Variants in NKAIN3 observed in about 807,000 individuals in gnomAD.
The protein encoded by NKAIN3 is sodium/potassium transporting ATPase interacting 3, also known as sodium/potassium-transporting ATPase subunit beta-1-interacting protein 3.
NKAIN3 carries 25 observed loss-of-function variants against 30.2 expected under a neutral mutation model. The ratio of observed to expected loss-of-function variants is 0.83; its 90% CI spans 0.60 to 1.16. The LOEUF (loss-of-function observed/expected upper bound fraction) is 1.16. Ranked by LOEUF, NKAIN3 falls within the 50% of genes most tolerant of loss-of-function variation. The pLI, the probability that NKAIN3 is intolerant of heterozygous loss-of-function variation, is 0.00. For synonymous variants in NKAIN3, 91 were observed against 89.6 expected, an observed-to-expected ratio of 1.02 and a Z score of -0.09; for missense variants, 225 against 254.1, an observed-to-expected ratio of 0.89 and a Z score of 0.78.
chr8:62,916,223 T>A (rs1184232748), intron 4 of NKAIN3, among the ~76,000 whole-genome samples: 5 of 152,190 alleles, frequency 3.3e-5, no homozygotes, highest in Non-Finnish European at 7.3e-5. Context: ...ATTAATATTT[T>A]TCACAATATT....
intron 1 of NKAIN3, among the ~76,000 whole-genome samples, chr8:62,352,269 C>T (rs756976825): frequency 6.6e-6 from 1 of 152,118 alleles, no homozygotes; most frequent in Non-Finnish European, 1.5e-5. Context: ...TAGCCCTCCT[C>T]GCCTGTGACC....
At chr8:62,566,515 T>C (rs1809754760) in intron 1 of NKAIN3, among the ~76,000 whole-genome samples, 1 of 152,108 alleles carries the variant, frequency 6.6e-6, no homozygotes, top group Non-Finnish European at 1.5e-5. Context: ...TAAAAGGAAA[T>C]AGTGAATTAT....
chr8:62,289,373 TA>T (rs1813501082), intron 1 of NKAIN3, among the ~76,000 whole-genome samples: 1 of 152,228 alleles, frequency 6.6e-6, no homozygotes, highest in African/African-American at 2.4e-5. Context: ...TTTCTGGTTT[TA>T]GGTCTAACAT....
intron 1 of NKAIN3, 61 bp from the exon 2 acceptor site, chr8:62,579,478 G>C (rs528921235): frequency 7.1e-7 from 1 of 1,400,452 alleles, no homozygotes; most frequent in East Asian, 2.4e-5. Context: ...ATGAGATAAA[G>C]ATTAAAATAG....
chr8:62,992,705 G>A (rs1041717762), intron 5 of NKAIN3, among the ~76,000 whole-genome samples: 5 of 151,896 alleles, frequency 3.3e-5, no homozygotes, highest in African/African-American at 1.2e-4. Context: ...AAGGGCTAGA[G>A]GCCACCAGTA....
intron 1 of NKAIN3, among the ~76,000 whole-genome samples, chr8:62,569,880 T>G (rs1809879492): frequency 6.6e-6 from 1 of 152,232 alleles, no homozygotes; most frequent in African/African-American, 2.4e-5. Flanking sequence ...AATCACACTT[T>G]AAGGAAAGAG....
Position 62,761,350 on chromosome 8 carries a change from C to T in NKAIN3, c.471+14221C>T, listed in dbSNP as rs571251978. On this transcript the variant is annotated intron_variant, in intron 4 of 6. Coordinates refer to ENST00000623646, the MANE Select transcript of NKAIN3 (RefSeq NM_001304533.3). ...CTTATCCTGGGGAGGTGGGGGAGGA[C>T]GGGGGTGGATTGGTCAGTTGTGCTC... Among the ~76,000 whole-genome samples, 298 of 151,216 alleles carry T rather than the reference C, an allele frequency of 2.0e-3. 1 individual carries two copies. Among genetic ancestry groups the T allele is most frequent in the Middle Eastern group, 3.4e-3 (1 of 294 alleles).
chr8:62,290,701 CT>C (rs36035295), intron 1 of NKAIN3, among the ~76,000 whole-genome samples: 2 of 152,018 alleles, frequency 1.3e-5, no homozygotes, highest in African/African-American at 4.8e-5. Context: ...CTAAAATTCT[CT>C]TTTTTTGTGT....
At chr8:62,369,636 G>C (rs62509191) in intron 1 of NKAIN3, among the ~76,000 whole-genome samples, 20,570 of 151,910 alleles carry the variant, frequency 0.14, 1,662 homozygotes, top group East Asian at 0.39. Flanking sequence ...AAATGGAATT[G>C]GATTCTTAAA....
chr8:62,758,202 G>A (rs1282781204), intron 4 of NKAIN3, among the ~76,000 whole-genome samples: 3 of 152,038 alleles, frequency 2.0e-5, no homozygotes, highest in Non-Finnish European at 4.4e-5. Context: ...AAAAACTCAC[G>A]GAAAACAAAG....
chr8:62,688,394 C>T (rs1012870492), intron 3 of NKAIN3, among the ~76,000 whole-genome samples: 10 of 152,064 alleles, frequency 6.6e-5, no homozygotes, highest in African/African-American at 2.4e-4. Context: ...ACATAAATAC[C>T]TGGTATACTG....
intron 4 of NKAIN3, among the ~76,000 whole-genome samples, chr8:62,758,764 A>G (rs967621342): frequency 2.6e-5 from 4 of 152,320 alleles, no homozygotes; most frequent in South Asian, 2.1e-4. Flanking sequence ...CTAGTTACCT[A>G]CTTGAGATAA....
intron 3 of NKAIN3, among the ~76,000 whole-genome samples, chr8:62,734,942 G>A (rs184078885): frequency 5.3e-5 from 8 of 152,264 alleles, no homozygotes; most frequent in Admixed American, 1.3e-4. Context: ...AATCCCTTCT[G>A]GCTTGTGCGG....
chr8:62,779,623 C>T (rs1817296139), intron 4 of NKAIN3, among the ~76,000 whole-genome samples: 1 of 152,164 alleles, frequency 6.6e-6, no homozygotes, highest in African/African-American at 2.4e-5. Flanking sequence ...ACCTAACAGA[C>T]ATTTACAGAA....
intron 1 of NKAIN3, among the ~76,000 whole-genome samples, chr8:62,477,537 A>G (rs1416242654): frequency 6.6e-6 from 1 of 152,150 alleles, no homozygotes; most frequent in Admixed American, 6.5e-5. Flanking sequence ...ATGGTTGCTT[A>G]TGGCCATTCC....
chr8:62,939,526 G>A (rs1479418988), intron 5 of NKAIN3, among the ~76,000 whole-genome samples: 2 of 152,104 alleles, frequency 1.3e-5, no homozygotes, highest in Admixed American at 6.5e-5. Context: ...AACCTATAAA[G>A]GAAAACCTAT....
intron 4 of NKAIN3, among the ~76,000 whole-genome samples, chr8:62,897,260 C>T (rs893468365): frequency 5.9e-5 from 9 of 152,140 alleles, no homozygotes; most frequent in Non-Finnish European, 4.4e-5. Flanking sequence ...AATAGTCTTA[C>T]ACTCAACAAA....
At chr8:62,547,409 T>G (rs1463337320) in intron 1 of NKAIN3, among the ~76,000 whole-genome samples, 1 of 152,152 alleles carries the variant, frequency 6.6e-6, no homozygotes, top group Non-Finnish European at 1.5e-5. Context: ...GGACTATCAT[T>G]AATAATAGTA....
In NKAIN3 at chr8:62,831,158, C is replaced by A. The variant is rs542963763; in HGVS notation, c.471+84029C>A. On this transcript the variant is annotated intron_variant, in intron 4 of 6. Coordinates refer to ENST00000623646, the MANE Select transcript of NKAIN3 (RefSeq NM_001304533.3). ...TGACAGAATTGCGTAGAAGAAAAGCCAAAGACCCTACCCCAGCATTCTCTA... is the reference window on the plus strand; with the variant it reads ...TGACAGAATTGCGTAGAAGAAAAGCAAAAGACCCTACCCCAGCATTCTCTA... Among the ~76,000 whole-genome samples the A allele has an allele frequency of 3.6e-4, 55 of 151,984 alleles. 1 individual carries two copies. The highest frequency in any genetic ancestry group is 6.6e-4 in the Non-Finnish European group (45 of 67,998).
Sources: allele counts gnomAD v4.1 joint callset (sites outside exome capture counted in the v4.1 genomes callset), GRCh38; gene constraint gnomAD v4.1.1; transcripts MANE v1.5; gene names NCBI Gene and HGNC (gene_info 2026-07-23, HGNC 2026-07-21).